SMIM27: variants seen among roughly 807,000 people sequenced by gnomAD.
SMIM27 encodes transition zone microprotein 1, also known as TOPORS antisense RNA 1 (non-protein coding).
Under a neutral mutation model 1.8 loss-of-function variants are expected in SMIM27, and 3 were observed. The observed-to-expected ratio is 1.65, with a 90% CI of 0.75 to 4.28. SMIM27 has a LOEUF of 4.28. Among genes scored for constraint, SMIM27 ranks in the 30% most tolerant of loss-of-function variants. The probability of loss-of-function intolerance (pLI) is 0.02; values close to 1 mark genes in which losing one functional copy is unlikely to be tolerated. For missense variants in SMIM27, 63 were observed against 37.0 expected (o/e 1.70, Z -1.83); for synonymous variants, 19 against 13.9 (o/e 1.37, Z -0.82).
At chr9:32,554,358 A>C (rs1263613155), downstream of SMIM27, among the ~76,000 whole-genome samples, 1 of 152,230 alleles carries the variant, frequency 6.6e-6, no homozygotes, top group African/African-American at 2.4e-5. Flanking sequence ...ATTGGCTTAC[A>C]TACTGAATAC....
chr9:32,562,783 C>G (rs900788299), intron 1 of SMIM27, among the ~76,000 whole-genome samples: 3 of 152,190 alleles, frequency 2.0e-5, no homozygotes, highest in Non-Finnish European at 4.4e-5. Context: ...TCTCAATTGT[C>G]TCAATAATTG....
chr9:32,556,549 T>A (rs1473941125), downstream of SMIM27, among the ~76,000 whole-genome samples: 1 of 152,222 alleles, frequency 6.6e-6, no homozygotes, highest in African/African-American at 2.4e-5. Context: ...ACAATGAGCA[T>A]TCTTCAGTTC....
exon 2 of SMIM27, chr9:32,566,708 A>C: frequency 1.2e-6 from 1 of 847,732 alleles, no homozygotes; most frequent in Non-Finnish European, 2.1e-6. Context: ...AGCCAGACTT[A>C]TTCCAAAATC....
intron 1 of SMIM27, among the ~76,000 whole-genome samples, chr9:32,558,113 A>G (rs1821520000): frequency 1.1e-5 from 1 of 93,442 alleles, no homozygotes; most frequent in Non-Finnish European, 2.6e-5. Context: ...CATTCATAGT[A>G]TACATTTTTT....
At chr9:32,551,774 A>G (rs1821270021), upstream of SMIM27, 1 of 451,202 alleles carries the variant, frequency 2.2e-6, no homozygotes, top group Admixed American at 2.4e-5. Flanking sequence ...CACGCTCAAC[A>G]AACACTTGTT....
chr9:32,554,473 A>T (rs1409188512), downstream of SMIM27, among the ~76,000 whole-genome samples: 1 of 152,216 alleles, frequency 6.6e-6, no homozygotes, highest in Non-Finnish European at 1.5e-5. Flanking sequence ...AAGTGGTAAG[A>T]ATCTTGGAAC....
At chr9:32,558,737 T>C (rs749726869) in intron 1 of SMIM27, among the ~76,000 whole-genome samples, 35 of 150,670 alleles carry the variant, frequency 2.3e-4, no homozygotes, top group Non-Finnish European at 1.9e-4. Flanking sequence ...CCTCACGGTA[T>C]TTCTTCCTGT....
At chr9:32,565,007 AGC>A (rs1821740263) in intron 1 of SMIM27, among the ~76,000 whole-genome samples, 1 of 152,154 alleles carries the variant, frequency 6.6e-6, no homozygotes. Context: ...TAAACAATTC[AGC>A]AGGCCAGGTG....
At chr9:32,566,094 A>C (rs1333178335) in intron 1 of SMIM27, 2 of 454,750 alleles carry the variant, frequency 4.4e-6, no homozygotes, top group Non-Finnish European at 7.9e-6. Flanking sequence ...GGCACCTGTT[A>C]AAATTATGCC....
exon 2 of SMIM27, chr9:32,566,409 G>C: frequency 1.1e-6 from 1 of 894,428 alleles, no homozygotes; most frequent in Non-Finnish European, 1.9e-6. Flanking sequence ...TCCAGAAGAG[G>C]AGCCTGCTCT....
rs1256219830 is a variant in SMIM27, at chr9:32,558,203, CCAGGTT to C, written c.45+5727_45+5732del. On this transcript the variant is annotated intron_variant, in intron 1 of 1. Transcript: ENST00000451672. ...CTCGGCTCACTGCAAGCTCCACCTC[CCAGGTT>C]CACGCCATTCTCCTGCCTCAGCCTC... Among the ~76,000 whole-genome samples the C allele has an allele frequency of 2.6e-5, 4 of 150,974 alleles. No individual in the cohort carries two copies. In the East Asian group the frequency reaches 7.8e-4, roughly 30 times the overall value.
chr9:32,557,162 CTTTT>C (rs34291462), downstream of SMIM27, among the ~76,000 whole-genome samples: 9 of 129,218 alleles, frequency 7.0e-5, no homozygotes, highest in Non-Finnish European at 1.3e-4. Context: ...CTGGCCCCCA[CTTTT>C]TTTTTTTTTT....
downstream of SMIM27, among the ~76,000 whole-genome samples, chr9:32,556,845 A>T (rs1481108883): frequency 5.1e-4 from 48 of 94,712 alleles, 1 homozygote; most frequent in Admixed American, 9.2e-4. Context: ...GAAATCCCCT[A>T]CTTTTTTTTT....
chr9:32,553,789 T>TA, downstream of SMIM27: 1 of 885,152 alleles, frequency 1.1e-6, no homozygotes, highest in Non-Finnish European at 1.8e-6. Flanking sequence ...TAAACTTTAT[T>TA]AAAGTTACTT....
upstream of SMIM27, chr9:32,551,377 G>A: frequency 3.0e-6 from 1 of 337,638 alleles, no homozygotes; most frequent in South Asian, 2.4e-5. Flanking sequence ...CCTGTTGTAC[G>A]CCTCCCGGAA....
chr9:32,552,490 G>C lies in SMIM27; in HGVS notation c.45+11G>C. On this transcript the variant is annotated intron_variant, in intron 1 of 1. Transcript: ENST00000692500. Reference sequence around the variant, plus strand: ...TGGATTTATTCAGTGGTAAGTCCCGGGGATCGCGGGCCCCCACCGTGTCGA... The same window carrying C: ...TGGATTTATTCAGTGGTAAGTCCCGCGGATCGCGGGCCCCCACCGTGTCGA... 1.9e-6 allele frequency: 3 copies of C among 1,581,382 alleles called. No homozygotes were observed. The highest frequency in any genetic ancestry group is 2.6e-6 in the Non-Finnish European group (3 of 1,163,916).
At chr9:32,562,558 T>C (rs2119016280) in intron 1 of SMIM27, among the ~76,000 whole-genome samples, 1 of 152,360 alleles carries the variant, frequency 6.6e-6, no homozygotes, top group East Asian at 1.9e-4. Flanking sequence ...GTCTTTATTC[T>C]GAAATAATTT....
chr9:32,553,972 A>G (rs1821381230), downstream of SMIM27: 6 of 1,434,898 alleles, frequency 4.2e-6, no homozygotes, highest in African/African-American at 4.3e-5. Flanking sequence ...CAGTTAGTAC[A>G]AAAATCTTAA....
intron 1 of SMIM27, chr9:32,566,033 AT>A: frequency 5.8e-6 from 2 of 346,276 alleles, no homozygotes; most frequent in Middle Eastern, 8.1e-4. Flanking sequence ...TGCCGGAAAT[AT>A]TTTTTAAGGT....
Sources: gnomAD v4.1 joint callset for allele counts (sites outside exome capture counted in the v4.1 genomes callset) on GRCh38, gnomAD v4.1.1 for gene constraint, MANE v1.5 for transcripts, NCBI Gene and HGNC (gene_info 2026-07-23, HGNC 2026-07-21) for gene names.